The following PLEKHA5 variants were observed in gnomAD, a reference collection of about 807,000 sequenced individuals.
The protein encoded by PLEKHA5 is pleckstrin homology domain containing A5, also known as pleckstrin homology domain-containing family A member 5.
In PLEKHA5, 55 loss-of-function variants were observed where a neutral mutation model predicts 181.9. That is an observed-to-expected ratio of 0.30 (90% CI 0.24 to 0.38). PLEKHA5 has a LOEUF of 0.38. Ranked by LOEUF, PLEKHA5 falls within the 10% of genes least tolerant of loss-of-function variation. The pLI is 1.00. For synonymous variants in PLEKHA5, 535 were observed against 529.4 expected (o/e 1.01, Z -0.15); for missense variants, 1,432 against 1,549.5 (o/e 0.92, Z 1.27).
intron 3 of PLEKHA5, among the ~76,000 whole-genome samples, chr12:19,165,701 T>C (rs1273414456): frequency 2.0e-5 from 3 of 152,172 alleles, no homozygotes; most frequent in African/African-American, 4.8e-5. Flanking sequence ...TAGGATTCAC[T>C]TGGGGGAACT....
intron 3 of PLEKHA5, among the ~76,000 whole-genome samples, chr12:19,229,091 G>A (rs2060080981): frequency 6.6e-6 from 1 of 152,196 alleles, no homozygotes; most frequent in Non-Finnish European, 1.5e-5. Context: ...AGTGTGGCAA[G>A]TTAAAACTTG....
intron 3 of PLEKHA5, among the ~76,000 whole-genome samples, chr12:19,188,441 AATGT>A (rs1219098299): frequency 1.3e-5 from 2 of 152,232 alleles, no homozygotes; most frequent in Non-Finnish European, 2.9e-5. Context: ...TAGTGTAATG[AATGT>A]ATGAGAAAGA....
chr12:19,273,588 G>A (rs184532263), intron 10 of PLEKHA5, among the ~76,000 whole-genome samples: 67 of 152,186 alleles, frequency 4.4e-4, no homozygotes, highest in African/African-American at 1.2e-3. Flanking sequence ...TGGCAGTTTC[G>A]TGCAGGTTCA....
At chr12:19,164,302 G>T (rs558977892) in intron 3 of PLEKHA5, among the ~76,000 whole-genome samples, 5 of 149,204 alleles carry the variant, frequency 3.4e-5, no homozygotes, top group African/African-American at 1.2e-4. Context: ...GGGTTCAAGC[G>T]ATTCTCCTGC....
In PLEKHA5 at chr12:19,190,168, T is replaced by C. The variant is rs564788816; in HGVS notation, c.227+57718T>C. 2.0e-5 allele frequency among the ~76,000 whole-genome samples: 3 copies of C among 152,306 alleles called. No homozygotes were observed. The East Asian group carries it at 5.8e-4, about 29-fold the overall frequency. ...AACCCAATCTTGAAATCCTCCTTTA[T>C]CTTGTTAAAAAGTTTTAGGAAATAT... On this transcript the variant is annotated intron_variant, in intron 3 of 31. Transcript: ENST00000429027.
At chr12:19,207,007 A>T (rs2055700103) in intron 3 of PLEKHA5, among the ~76,000 whole-genome samples, 1 of 152,202 alleles carries the variant, frequency 6.6e-6, no homozygotes, top group Non-Finnish European at 1.5e-5. Context: ...CATTGTGGGA[A>T]GAAAACAAAC....
intron 3 of PLEKHA5, among the ~76,000 whole-genome samples, chr12:19,139,185 A>G (rs1308972372): frequency 6.6e-6 from 1 of 152,182 alleles, no homozygotes; most frequent in Admixed American, 6.5e-5. Context: ...GACAGAAAAA[A>G]AGAGGTCAAA....
chr12:19,355,163 C>A (rs985703442), intron 26 of PLEKHA5, among the ~76,000 whole-genome samples: 3 of 152,086 alleles, frequency 2.0e-5, no homozygotes, highest in African/African-American at 7.2e-5. Flanking sequence ...CCAAACCAGT[C>A]GAGTTTTGTT....
chr12:19,216,160 A>G (rs1307858950), intron 3 of PLEKHA5, among the ~76,000 whole-genome samples: 1 of 152,198 alleles, frequency 6.6e-6, no homozygotes, highest in Non-Finnish European at 1.5e-5. Context: ...TTTTCCTTGA[A>G]TAGAATTTCT....
intron 3 of PLEKHA5, among the ~76,000 whole-genome samples, chr12:19,228,256 TCA>T (rs2059960114): frequency 6.6e-6 from 1 of 152,228 alleles, no homozygotes; most frequent in Non-Finnish European, 1.5e-5. Flanking sequence ...TGTCTAATAC[TCA>T]CAACCTTTCA....
intron 31 of PLEKHA5, among the ~76,000 whole-genome samples, chr12:19,374,423 G>A (rs2095661361): frequency 6.6e-6 from 1 of 152,142 alleles, no homozygotes; most frequent in African/African-American, 2.4e-5. Flanking sequence ...ACTTTGTGAG[G>A]CCGAGGCGGG....
chr12:19,258,283 T>C (rs1392169719), intron 6 of PLEKHA5, among the ~76,000 whole-genome samples: 1 of 152,126 alleles, frequency 6.6e-6, no homozygotes, highest in African/African-American at 2.4e-5. Flanking sequence ...TTCAGATAAG[T>C]GACTGGTAGA....
chr12:19,217,834 T>C (rs10841184), intron 3 of PLEKHA5, among the ~76,000 whole-genome samples: 1 of 152,078 alleles, frequency 6.6e-6, no homozygotes, highest in African/African-American at 2.4e-5. Flanking sequence ...ATGAAAGAGC[T>C]GAGGGAAGAA....
rs56086557 is a variant in PLEKHA5, at chr12:19,167,405, ATTTTTTTTT to A, written c.227+34976_227+34984del. On this transcript the variant is annotated intron_variant, in intron 3 of 31. Transcript: ENST00000429027. The stretch of plus-strand genomic sequence containing the variant: ...CACTCTGCAAGTCTTCTGAGGCTTA[ATTTTTTTTT>A]TTTTTTTTTTTTTTTTTTTTGCTTT... Among the ~76,000 whole-genome samples, 70 of 91,224 alleles carry A rather than the reference ATTTTTTTTT, an allele frequency of 7.7e-4. 1 individual carries two copies. The highest frequency in any genetic ancestry group is 2.2e-3 in the Admixed American group (14 of 6,320). The allele number at this position is 91,224 out of a possible 152,430, so 59.8% of individuals were successfully genotyped here.
chr12:19,210,889 T>C lies in PLEKHA5; in HGVS notation c.228-43051T>C, dbSNP rs974702497. ...CATTTTCACTGCCTTTTCTCCACTT[T>C]CTAAAGAGTTGATAAGGAAACAATT... On this transcript the variant is annotated intron_variant, in intron 3 of 31. Coordinates refer to ENST00000429027, the MANE Select transcript of PLEKHA5 (RefSeq NM_001256470.2). Among the ~76,000 whole-genome samples, 3 of 152,156 alleles carry C rather than the reference T, an allele frequency of 2.0e-5. 1 individual carries two copies. Among genetic ancestry groups the C allele is most frequent in the Middle Eastern group, 6.3e-3 (2 of 316 alleles).
intron 3 of PLEKHA5, among the ~76,000 whole-genome samples, chr12:19,239,279 G>T (rs2062005802): frequency 6.6e-6 from 1 of 152,118 alleles, no homozygotes; most frequent in Non-Finnish European, 1.5e-5. Flanking sequence ...GTTGTACTCT[G>T]CTGGAAGGAA....
At position 19,287,556 on chromosome 12, in the gene PLEKHA5, G is replaced by A. The variant is rs1425098246; in HGVS notation, c.1863G>A (p.Thr621=). ...GTCCCCAGAGCCTCCAAGGGAAAACGGTGAGTAATATCTTTATTTACCATA... is the reference window on the plus strand; with the variant it reads ...GTCCCCAGAGCCTCCAAGGGAAAACAGTGAGTAATATCTTTATTTACCATA... The part of the protein sequence containing the change: ...SVSPQSLQGK[T]PEELTLLLIK... Residue 621 remains threonine (T), a splice_region_variant and synonymous_variant, in exon 13 of 32, where the codon ACG becomes ACA. Transcript: ENST00000429027. 2 of 1,533,038 alleles carry A rather than the reference G, an allele frequency of 1.3e-6. No individual in the cohort carries two copies. Among genetic ancestry groups the A allele is most frequent in the South Asian group, 1.1e-5 (1 of 88,348 alleles). 95.0% of individuals were successfully genotyped at this position (1,533,038 alleles called of 1,614,324 possible).
At chr12:19,306,270 G>T (rs1222778679) in intron 15 of PLEKHA5, 2 of 345,274 alleles carry the variant, frequency 5.8e-6, no homozygotes, top group East Asian at 7.4e-5. Context: ...ATGTTGCCAC[G>T]TATGTTTTCT....
At chr12:19,203,250 C>T (rs1414286233) in intron 3 of PLEKHA5, among the ~76,000 whole-genome samples, 1 of 152,018 alleles carries the variant, frequency 6.6e-6, no homozygotes, top group Non-Finnish European at 1.5e-5. Flanking sequence ...GAATTACCAC[C>T]TCTTTACCTG....
Sources: allele counts gnomAD v4.1 joint callset (sites outside exome capture counted in the v4.1 genomes callset), GRCh38; gene constraint gnomAD v4.1.1; transcripts MANE v1.5; gene names NCBI Gene and HGNC (gene_info 2026-07-23, HGNC 2026-07-21).